Variants in CELF2 observed in about 807,000 individuals in gnomAD.
The protein encoded by CELF2 is CUGBP Elav-like family member 2, also known as CUG triplet repeat RNA-binding protein 2.
CELF2 carries 8 observed loss-of-function variants against 62.6 expected under a neutral mutation model. That is an observed-to-expected ratio of 0.13 (90% CI 0.07 to 0.23). The LOEUF (loss-of-function observed/expected upper bound fraction) is 0.23, where lower values mean the gene tolerates loss of function less well. Ranked by LOEUF, CELF2 falls within the 10% of genes least tolerant of loss-of-function variation. The pLI, the probability that CELF2 is intolerant of heterozygous loss-of-function variation, is 1.00. For missense variants in CELF2, 333 were observed against 671.0 expected (o/e 0.50, Z 5.56); for synonymous variants, 258 against 250.0 (o/e 1.03, Z -0.30).
the CELF2 span, among the ~76,000 whole-genome samples, chr10:10,576,628 T>C: frequency 6.6e-6 from 1 of 152,154 alleles, no homozygotes; most frequent in Non-Finnish European, 1.5e-5. Context: ...CCCATGCTAT[T>C]TTTCTTATTT....
chr10:10,943,010 C>T (rs986739091), intron 2 of CELF2, among the ~76,000 whole-genome samples: 5 of 152,138 alleles, frequency 3.3e-5, no homozygotes, highest in African/African-American at 9.7e-5. Flanking sequence ...TCCAACAAGC[C>T]GGGATGCCCA....
rs1385996500 is a variant in CELF2, at chr10:11,285,879, T to TGTGTGTGTGTG, written c.842-2539_842-2538insGTGTGTGTGTG. Among the ~76,000 whole-genome samples, 119 of 108,056 alleles carry TGTGTGTGTGTG rather than the reference T, an allele frequency of 1.1e-3. 2 individuals are homozygous for TGTGTGTGTGTG. Among genetic ancestry groups the TGTGTGTGTGTG allele is most frequent in the East Asian group, 4.3e-3 (17 of 3,972 alleles). The allele number at this position is 108,056 out of a possible 152,430, so 70.9% of individuals were successfully genotyped here. ...TGTGTGTGTGTGTGTGTGTGTGTGT[T>TGTGTGTGTGTG]TTTACATGGACTTGAAAATGAGTAA... On this transcript the variant is annotated intron_variant, in intron 8 of 12. Coordinates refer to ENST00000633077, the MANE Select transcript of CELF2 (RefSeq NM_001326342.2). This position sits in a 1 kb window ranked among gnomAD's most constrained non-coding sequence, Gnocchi z 4.3.
intron 5 of CELF2, among the ~76,000 whole-genome samples, chr10:11,261,779 G>A (rs1323466428): frequency 6.6e-6 from 1 of 152,234 alleles, no homozygotes; most frequent in Non-Finnish European, 1.5e-5. Flanking sequence ...TGCTGTAGAA[G>A]CCTTCATGGA....
the CELF2 span, among the ~76,000 whole-genome samples, chr10:10,726,185 G>A: frequency 6.6e-6 from 1 of 152,064 alleles, no homozygotes; most frequent in Non-Finnish European, 1.5e-5. Context: ...TTTCCTCCAG[G>A]TCCATCTTAG....
chr10:10,887,414 G>A (rs373536015), intron 1 of CELF2, among the ~76,000 whole-genome samples: 10 of 152,354 alleles, frequency 6.6e-5, no homozygotes, highest in South Asian at 6.2e-4. Flanking sequence ...TGTTATGTAA[G>A]CAGTTCAGGC....
the CELF2 span, among the ~76,000 whole-genome samples, chr10:10,676,099 A>G: frequency 6.6e-6 from 1 of 152,044 alleles, no homozygotes; most frequent in Admixed American, 6.6e-5. Flanking sequence ...GGTGTGGGGG[A>G]AGGAGAAGCA....
chr10:10,853,142 C>A (rs2059491484), intron 1 of CELF2, among the ~76,000 whole-genome samples: 1 of 152,238 alleles, frequency 6.6e-6, no homozygotes, highest in Non-Finnish European at 1.5e-5. Flanking sequence ...CCATGCCCGG[C>A]TAATTTTTTT....
intron 3 of CELF2, among the ~76,000 whole-genome samples, chr10:11,236,763 A>G (rs1039708767): frequency 7.2e-5 from 11 of 152,364 alleles, no homozygotes; most frequent in East Asian, 1.9e-4. Context: ...CTGTTTCTGT[A>G]TAATAAATGT....
At chr10:10,922,157 A>G (rs1174101079) in intron 2 of CELF2, among the ~76,000 whole-genome samples, 40 of 152,090 alleles carry the variant, frequency 2.6e-4, no homozygotes, top group Admixed American at 2.6e-3. Context: ...TATTTAAATT[A>G]CTGTAGGTCT....
the CELF2 span, among the ~76,000 whole-genome samples, chr10:10,522,918 G>A: frequency 3.3e-4 from 50 of 152,284 alleles, no homozygotes; most frequent in African/African-American, 1.2e-3. Flanking sequence ...TCTTTGGAAG[G>A]CATTTAGTAT....
chr10:10,561,783 G>A, the CELF2 span, among the ~76,000 whole-genome samples: 4 of 152,096 alleles, frequency 2.6e-5, no homozygotes, highest in African/African-American at 7.2e-5. Flanking sequence ...CCCTTGCCCA[G>A]GACCCTTCCT....
At chr10:10,642,347 T>C in the CELF2 span, among the ~76,000 whole-genome samples, 1 of 152,116 alleles carries the variant, frequency 6.6e-6, no homozygotes, top group East Asian at 1.9e-4. Context: ...TCCAGCACAG[T>C]CCCAAAGCCA....
chr10:11,265,834 A>C (rs1305636784), intron 5 of CELF2, among the ~76,000 whole-genome samples: 2 of 152,248 alleles, frequency 1.3e-5, no homozygotes, highest in African/African-American at 4.8e-5. Context: ...TGTTAGAACT[A>C]AGGTCAAATC....
intron 2 of CELF2, among the ~76,000 whole-genome samples, chr10:10,981,577 T>C (rs917628916): frequency 6.6e-6 from 1 of 152,246 alleles, no homozygotes; most frequent in African/African-American, 2.4e-5. Context: ...GCATGCTTTA[T>C]TTCCAATGAA....
the CELF2 span, among the ~76,000 whole-genome samples, chr10:10,472,164 A>T: frequency 1.3e-5 from 2 of 151,662 alleles, no homozygotes; most frequent in Admixed American, 1.3e-4. Flanking sequence ...AAATTCTGTA[A>T]CTATTTTTTT....
At chr10:10,790,047 C>T in the CELF2 span, among the ~76,000 whole-genome samples, 15 of 151,964 alleles carry the variant, frequency 9.9e-5, no homozygotes, top group Non-Finnish European at 2.2e-4. Context: ...TTTTCTATGG[C>T]TTCACTTTGT....
At chr10:11,326,185 T>G (rs2095713345) in intron 12 of CELF2, among the ~76,000 whole-genome samples, 1 of 152,202 alleles carries the variant, frequency 6.6e-6, no homozygotes, top group South Asian at 2.1e-4. Context: ...TAGGTAATCT[T>G]CTATACTACA....
At chr10:11,204,026 G>A (rs1273357176) in intron 2 of CELF2, among the ~76,000 whole-genome samples, 1 of 152,178 alleles carries the variant, frequency 6.6e-6, no homozygotes, top group Admixed American at 6.5e-5. Context: ...GGGCGCAGAG[G>A]GTTTGCCCAC....
intron 1 of CELF2, among the ~76,000 whole-genome samples, chr10:10,884,634 C>A (rs1564767071): frequency 6.6e-6 from 1 of 152,206 alleles, no homozygotes; most frequent in Non-Finnish European, 1.5e-5. Flanking sequence ...CCCACACACA[C>A]CCATACACTG....
Sources: gnomAD v4.1 joint callset for allele counts (sites outside exome capture counted in the v4.1 genomes callset) on GRCh38, gnomAD v4.1.1 for gene constraint, Gnocchi (gnomAD v3.1) non-coding constraint, MANE v1.5 for transcripts, NCBI Gene and HGNC (gene_info 2026-07-23, HGNC 2026-07-21) for gene names.